FAM13B: variants seen among roughly 807,000 people sequenced by gnomAD.
The protein encoded by FAM13B is protein FAM13B.
FAM13B carries 60 observed loss-of-function variants against 117.3 expected under a neutral mutation model. The observed-to-expected ratio is 0.51, with a 90% CI of 0.42 to 0.63. FAM13B has a LOEUF of 0.63. FAM13B is among the 30% of genes least tolerant of loss of function. The pLI, the probability that FAM13B is intolerant of heterozygous loss-of-function variation, is 0.00. For missense variants in FAM13B, 972 were observed against 1,091.9 expected, an observed-to-expected ratio of 0.89 and a Z score of 1.55; for synonymous variants, 332 against 356.1, an observed-to-expected ratio of 0.93 and a Z score of 0.76.
At chr5:137,951,246 A>G (rs893477791) in intron 17 of FAM13B, among the ~76,000 whole-genome samples, 1 of 148,174 alleles carries the variant, frequency 6.7e-6, no homozygotes, top group Non-Finnish European at 1.5e-5. Flanking sequence ...AGAGAGAGAG[A>G]GGCAAACATT....
At chr5:137,985,983 T>C (rs966698578) in intron 9 of FAM13B, among the ~76,000 whole-genome samples, 4 of 152,238 alleles carry the variant, frequency 2.6e-5, no homozygotes, top group Admixed American at 6.5e-5. Flanking sequence ...TTACATCCTT[T>C]GAAACATTTT....
At chr5:138,011,358 T>C (rs1783953920) in intron 5 of FAM13B, among the ~76,000 whole-genome samples, 1 of 152,186 alleles carries the variant, frequency 6.6e-6, no homozygotes, top group Non-Finnish European at 1.5e-5. Flanking sequence ...AAATAATTGT[T>C]CATCAAGCAA....
chr5:137,949,613 C>T (rs972853154), intron 17 of FAM13B, among the ~76,000 whole-genome samples: 11 of 152,158 alleles, frequency 7.2e-5, no homozygotes, highest in African/African-American at 2.7e-4. Flanking sequence ...AACCCCGTCT[C>T]TACTAAAAAT....
At chr5:138,010,286 T>C (rs1783648368) in intron 6 of FAM13B, among the ~76,000 whole-genome samples, 1 of 152,192 alleles carries the variant, frequency 6.6e-6, no homozygotes, top group Non-Finnish European at 1.5e-5. Context: ...TGGCCTATTT[T>C]AACATGTTAT....
rs559355516 is a variant in FAM13B, at chr5:137,952,858, T to C, written c.1849-149A>G. The C allele has an allele frequency of 3.8e-4, 205 of 544,254 alleles. 3 individuals are homozygous for C. The South Asian group carries it at 3.9e-3, about 10-fold the overall frequency. 33.7% of individuals were successfully genotyped at this position (544,254 alleles called of 1,614,324 possible). On this transcript the variant is annotated intron_variant, in intron 16 of 23. Transcript: ENST00000689681. ...TAATTAGATAGGGCAGGATATTAAG[T>C]CAAGTTCTCCCAAGGTAAGGTCTCG...
chr5:138,012,897 T>C (rs865957800), intron 4 of FAM13B, among the ~76,000 whole-genome samples: 75 of 152,004 alleles, frequency 4.9e-4, no homozygotes, highest in Admixed American at 2.6e-3. Flanking sequence ...TCCAGTACTA[T>C]GTTGATTCAA....
In FAM13B at chr5:137,985,350, A is replaced by C; in HGVS notation, c.1086T>G (p.Ser362Arg). The C allele has an allele frequency of 6.2e-7, 1 of 1,613,844 alleles. No individual in the cohort carries two copies. Residue 362 changes from serine to arginine, a missense_variant, in exon 10 of 24, where the codon AGT becomes AGG. Physicochemically the swap from Ser to Arg is moderately radical, Grantham distance 110. Coordinates refer to ENST00000689681, the MANE Select transcript of FAM13B (RefSeq NM_001385994.1). The part of the protein sequence containing the change: ...IADDIINASE[S>R]NRDCSKPVAS... ...CCACAGGTTTTGAACAGTCTCTGTT[A>C]CTTTCACTGGCATTAATAATATCAT...
At chr5:137,955,851 C>A (rs887795951) in intron 14 of FAM13B, among the ~76,000 whole-genome samples, 1 of 152,082 alleles carries the variant, frequency 6.6e-6, no homozygotes, top group Non-Finnish European at 1.5e-5. Context: ...AGGCTGGTTA[C>A]GAACTCCTGA....
chr5:137,981,371 C>T (rs937653632), intron 10 of FAM13B, among the ~76,000 whole-genome samples: 10 of 152,006 alleles, frequency 6.6e-5, no homozygotes, highest in African/African-American at 2.4e-4. Flanking sequence ...TCGCTTGAGG[C>T]CAGGAGTTTG....
At chr5:138,018,267 C>T in intron 4 of FAM13B, 35 bp downstream of exon 4, 1 of 1,518,072 alleles carries the variant, frequency 6.6e-7, no homozygotes, top group Non-Finnish European at 9.1e-7. Context: ...AAATTAACAA[C>T]AAATGACCAA....
chr5:138,034,586 A>G (rs1254471201), upstream of FAM13B, among the ~76,000 whole-genome samples: 1 of 152,226 alleles, frequency 6.6e-6, no homozygotes, highest in Non-Finnish European at 1.5e-5. Flanking sequence ...GACACTGTTC[A>G]CTGGGTTGAA....
At chr5:138,014,934 G>A (rs1332285859) in intron 4 of FAM13B, among the ~76,000 whole-genome samples, 2 of 152,198 alleles carry the variant, frequency 1.3e-5, no homozygotes, top group East Asian at 3.8e-4. Flanking sequence ...AATAATGTAT[G>A]TATCAGAGAA....
chr5:137,951,322 T>C (rs1326799173), intron 17 of FAM13B, among the ~76,000 whole-genome samples: 1 of 151,006 alleles, frequency 6.6e-6, no homozygotes, highest in Non-Finnish European at 1.5e-5. Context: ...CACTGCTATA[T>C]CCCTAGTTGT....
At position 137,954,304 on chromosome 5, in the gene FAM13B, C is replaced by T; in HGVS notation, c.1580G>A (p.Gly527Glu). ...SGEAQLSPQAGRMNHHPLEED... is the reference protein window; with the variant it reads ...SGEAQLSPQAERMNHHPLEED... Reference sequence around the variant, plus strand: ...TTCCAAGGGGTGATGATTCATTCTTCCAGCTTGTGGAGACAGCTGAGCTTC... The same window carrying T: ...TTCCAAGGGGTGATGATTCATTCTTTCAGCTTGTGGAGACAGCTGAGCTTC... Residue 527 changes from glycine (G) to glutamate (E), a missense_variant, in exon 15 of 24, where the codon GGA becomes GAA. Physicochemically the swap from Gly to Glu is moderately conservative, Grantham distance 98. Transcript: ENST00000689681. 6.2e-7 allele frequency: 1 copy of T among 1,614,030 alleles called. No homozygotes were observed. The highest frequency in any genetic ancestry group is 8.5e-7 in the Non-Finnish European group (1 of 1,180,016).
intron 1 of FAM13B, chr5:138,039,418 C>CCAAGTTG (rs1435801535): frequency 1.3e-5 from 2 of 152,014 alleles, no homozygotes; most frequent in Non-Finnish European, 2.9e-5. Context: ...GGCTTTTGAG[C>CCAAGTTG]CTTCCTATCA....
chr5:137,957,462 C>T (rs1766901404), intron 13 of FAM13B, among the ~76,000 whole-genome samples: 1 of 151,248 alleles, frequency 6.6e-6, no homozygotes, highest in South Asian at 2.1e-4. Context: ...ATTGCTTGAA[C>T]CTGCGAGGCG....
At chr5:138,002,417 G>A (rs1781489700) in intron 7 of FAM13B, among the ~76,000 whole-genome samples, 1 of 151,854 alleles carries the variant, frequency 6.6e-6, no homozygotes, top group Non-Finnish European at 1.5e-5. Flanking sequence ...TGTAATCCCA[G>A]CTACTCAGGA....
chr5:138,021,383 G>A (rs35673445), intron 1 of FAM13B, among the ~76,000 whole-genome samples, 186 bp from the exon 2 acceptor site: 1,643 of 152,252 alleles, frequency 0.011, 13 homozygotes, highest in Middle Eastern at 0.031. Flanking sequence ...ATGGAAAATT[G>A]GAGAAGAATC....
upstream of FAM13B, among the ~76,000 whole-genome samples, chr5:138,035,289 G>A (rs1371208373): frequency 6.6e-6 from 1 of 151,840 alleles, no homozygotes; most frequent in African/African-American, 2.4e-5. Flanking sequence ...GTGATTACAG[G>A]CGTGAGCCAC....
Sources: gnomAD v4.1 joint callset for allele counts (sites outside exome capture counted in the v4.1 genomes callset) on GRCh38, gnomAD v4.1.1 for gene constraint, MANE v1.5 for transcripts, NCBI Gene and HGNC (gene_info 2026-07-23, HGNC 2026-07-21) for gene names.